The following MECOM variants were observed in gnomAD, a reference collection of about 807,000 sequenced individuals.
MECOM encodes the protein histone-lysine N-methyltransferase MECOM.
Under a neutral mutation model 116.3 loss-of-function variants are expected in MECOM, and 13 were observed. That is an observed-to-expected ratio of 0.11 (90% CI 0.07 to 0.18). The LOEUF (loss-of-function observed/expected upper bound fraction) is 0.18. MECOM is among the 10% of genes least tolerant of loss of function. The pLI, the probability that MECOM is intolerant of heterozygous loss-of-function variation, is 1.00. For missense variants in MECOM, 1,299 were observed against 1,509.0 expected (o/e 0.86, Z 2.31); for synonymous variants, 528 against 535.2 (o/e 0.99, Z 0.19).
At chr3:169,472,560 G>GAAA (rs1749600941) in intron 1 of MECOM, among the ~76,000 whole-genome samples, 2 of 50,954 alleles carry the variant, frequency 3.9e-5, no homozygotes, top group Non-Finnish European at 7.3e-5. Context: ...AAAGAAAAGA[G>GAAA]AGGAGAGGAG....
At chr3:169,205,486 A>G (rs1749797198) in intron 2 of MECOM, among the ~76,000 whole-genome samples, 1 of 152,178 alleles carries the variant, frequency 6.6e-6, no homozygotes, top group Admixed American at 6.5e-5. Context: ...CCTTCTGAAA[A>G]GTTAAGACAA....
intron 2 of MECOM, among the ~76,000 whole-genome samples, chr3:169,332,792 C>A (rs1722974964): frequency 6.6e-6 from 1 of 152,072 alleles, no homozygotes; most frequent in Non-Finnish European, 1.5e-5. Flanking sequence ...TTATTGGTTT[C>A]CTATACTTTA....
intron 2 of MECOM, among the ~76,000 whole-genome samples, chr3:169,236,625 G>A (rs770180796): frequency 1.3e-5 from 2 of 152,144 alleles, no homozygotes; most frequent in Non-Finnish European, 2.9e-5. Flanking sequence ...AAATTTGGAT[G>A]TTTTGTATAC....
intron 2 of MECOM, among the ~76,000 whole-genome samples, chr3:169,151,502 AT>A (rs1741165731): frequency 6.6e-6 from 1 of 152,056 alleles, no homozygotes; most frequent in African/African-American, 2.4e-5. Flanking sequence ...TTTTAACTCT[AT>A]TTTTTTGTAG....
intron 2 of MECOM, among the ~76,000 whole-genome samples, chr3:169,313,011 T>C (rs1719093400): frequency 6.6e-6 from 1 of 152,056 alleles, no homozygotes; most frequent in Non-Finnish European, 1.5e-5. Context: ...CTCCAATACT[T>C]AAAGGGTGAA....
At chr3:169,146,840 T>C (rs1371671622) in intron 2 of MECOM, 2 of 1,067,760 alleles carry the variant, frequency 1.9e-6, no homozygotes, top group Non-Finnish European at 2.3e-6. Flanking sequence ...TTTCAAACGA[T>C]CCCGAGCAAC....
intron 1 of MECOM, among the ~76,000 whole-genome samples, chr3:169,656,854 T>TA (rs569967679): frequency 4.6e-5 from 7 of 152,110 alleles, no homozygotes; most frequent in Non-Finnish European, 8.8e-5. Context: ...GAACTTGCCT[T>TA]AAAAAAAATT....
intron 1 of MECOM, among the ~76,000 whole-genome samples, chr3:169,652,189 A>G (rs1158224376): frequency 3.3e-5 from 5 of 152,202 alleles, no homozygotes; most frequent in African/African-American, 1.2e-4. Context: ...TATTTTCTGG[A>G]AAGAAGCTCC....
chr3:169,646,044 C>A (rs1303409848), intron 1 of MECOM, among the ~76,000 whole-genome samples: 1 of 152,176 alleles, frequency 6.6e-6, no homozygotes, highest in African/African-American at 2.4e-5. Flanking sequence ...CTTCCAGCTT[C>A]ATCCATGTCC....
At chr3:169,421,701 A>G (rs1410812783) in intron 1 of MECOM, among the ~76,000 whole-genome samples, 3 of 151,972 alleles carry the variant, frequency 2.0e-5, no homozygotes, top group Admixed American at 1.3e-4. Flanking sequence ...AAAAAAAAAC[A>G]AAACGATTTC....
chr3:169,101,268 A>T (rs944599600), intron 11 of MECOM, among the ~76,000 whole-genome samples: 1 of 152,212 alleles, frequency 6.6e-6, no homozygotes, highest in Non-Finnish European at 1.5e-5. Context: ...TTACATTCAC[A>T]AAATTGAACC....
intron 2 of MECOM, among the ~76,000 whole-genome samples, chr3:169,377,166 C>G (rs1731180029): frequency 6.6e-6 from 1 of 152,132 alleles, no homozygotes; most frequent in African/African-American, 2.4e-5. Flanking sequence ...ATACCCTATA[C>G]AAAAATTAAC....
At chr3:169,374,149 C>G (rs1730623347) in intron 2 of MECOM, among the ~76,000 whole-genome samples, 2 of 151,764 alleles carry the variant, frequency 1.3e-5, no homozygotes, top group South Asian at 4.2e-4. Context: ...CCCTCTCTCT[C>G]TCTCTCTCCA....
At chr3:169,398,301 T>C (rs1230644391) in intron 1 of MECOM, among the ~76,000 whole-genome samples, 1 of 152,128 alleles carries the variant, frequency 6.6e-6, no homozygotes, top group African/African-American at 2.4e-5. Flanking sequence ...TGCCACTCAT[T>C]TATACACATT....
In MECOM at chr3:169,210,495, C is replaced by T. The variant is rs551816787; in HGVS notation, c.376-66663G>A. ...AATTAGTAATTGAGTGACATTTTCA[C>T]TGACATGAAACAGTAAATGAAGGGC... On this transcript the variant is annotated intron_variant, in intron 2 of 16. Coordinates refer to ENST00000651503, the MANE Select transcript of MECOM (RefSeq NM_004991.4). 3.3e-5 allele frequency among the ~76,000 whole-genome samples: 5 copies of T among 152,216 alleles called. No individual in the cohort carries two copies. In the East Asian group the frequency reaches 9.7e-4, roughly 29 times the overall value.
chr3:169,089,441 G>A (rs1451996162), intron 15 of MECOM, among the ~76,000 whole-genome samples: 1 of 152,104 alleles, frequency 6.6e-6, no homozygotes, highest in African/African-American at 2.4e-5. Flanking sequence ...ACATTAGTCA[G>A]TAATAGGCAG....
chr3:169,507,650 C>CTTTTTTTTTTTTTTTTTTT lies in MECOM; in HGVS notation c.38-126145_38-126127dup, dbSNP rs1165167849. ...CAATTTTGGTTTAAATCCCCACTTGCTTTTTTTTTTTTTTTTTTTTTTTTT... is the reference window on the plus strand; with the variant it reads ...CAATTTTGGTTTAAATCCCCACTTGCTTTTTTTTTTTTTTTTTTTTTTTTTTTTTTTTTTTTTTTTTTTT... On this transcript the variant is annotated intron_variant, in intron 1 of 16. Transcript: ENST00000651503. Among the ~76,000 whole-genome samples, 541 of 57,124 alleles carry CTTTTTTTTTTTTTTTTTTT rather than the reference C, an allele frequency of 9.5e-3. 110 individuals are homozygous for CTTTTTTTTTTTTTTTTTTT. The highest frequency in any genetic ancestry group is 0.014 in the Middle Eastern group (1 of 74). 37.5% of individuals were successfully genotyped at this position (57,124 alleles called of 152,430 possible).
intron 1 of MECOM, among the ~76,000 whole-genome samples, chr3:169,499,541 C>G (rs1754274112): frequency 6.6e-6 from 1 of 151,260 alleles, no homozygotes; most frequent in African/African-American, 2.4e-5. Context: ...TATTTCCAGA[C>G]TTATAAGACC....
chr3:169,506,593 A>G (rs1384965958), intron 1 of MECOM, among the ~76,000 whole-genome samples: 1 of 152,218 alleles, frequency 6.6e-6, no homozygotes, highest in Non-Finnish European at 1.5e-5. Flanking sequence ...TATCTTTAAA[A>G]AGCCTTAATG....
Sources: allele counts gnomAD v4.1 joint callset (sites outside exome capture counted in the v4.1 genomes callset), GRCh38; gene constraint gnomAD v4.1.1; transcripts MANE v1.5; gene names NCBI Gene and HGNC (gene_info 2026-07-23, HGNC 2026-07-21).